The following USH2A variants were observed in gnomAD, a reference collection of about 807,000 sequenced individuals.
USH2A encodes the protein usherin.
A neutral mutation model predicts 538.9 loss-of-function variants in USH2A; 443 were observed. The ratio of observed to expected loss-of-function variants is 0.82; its 90% CI spans 0.76 to 0.89. USH2A has a LOEUF of 0.89. USH2A is among the 40% of genes least tolerant of loss of function. The pLI, the probability that USH2A is intolerant of heterozygous loss-of-function variation, is 0.00. For missense variants in USH2A, 6,633 were observed against 6,324.8 expected, an observed-to-expected ratio of 1.05 and a Z score of -1.65; for synonymous variants, 2,413 against 2,273.5, an observed-to-expected ratio of 1.06 and a Z score of -1.75.
chr1:216,161,349 C>A (rs1390874541), intron 21 of USH2A, among the ~76,000 whole-genome samples: 2 of 152,030 alleles, frequency 1.3e-5, no homozygotes, highest in African/African-American at 4.8e-5. Flanking sequence ...TTTTCTAAAT[C>A]ATTCTTTTGG....
intron 37 of USH2A, among the ~76,000 whole-genome samples, chr1:215,938,107 ATAAT>A (rs1165027869): frequency 1.3e-5 from 2 of 152,134 alleles, no homozygotes; most frequent in African/African-American, 4.8e-5. Flanking sequence ...TAAGAAGTAT[ATAAT>A]TACTCAATAA....
Position 216,116,039 on chromosome 1 carries a change from A to G in USH2A, c.4628-18826T>C, listed in dbSNP as rs181356826. 9.2e-5 allele frequency among the ~76,000 whole-genome samples: 14 copies of G among 151,766 alleles called. 1 individual carries two copies. In the South Asian group the frequency reaches 2.7e-3, roughly 29 times the overall value. ...CAAAATGTTAGTACTAATTGTAGTT[A>G]TAAAAATATTTTTAATACAAATGAA... On this transcript the variant is annotated intron_variant, in intron 21 of 71. Coordinates refer to ENST00000307340, the MANE Select transcript of USH2A (RefSeq NM_206933.4).
At position 216,292,509 on chromosome 1, in the gene USH2A, T is replaced by G. The variant is rs1351056992; in HGVS notation, c.1645-139A>C. ...CAGCAATGATTTTATTTGAAAAATA[T>G]TTCGTAAGTCAGAAATAGCATATTT... On this transcript the variant is annotated intron_variant, in intron 9 of 71. Transcript: ENST00000307340. 4 of 972,082 alleles carry G rather than the reference T, an allele frequency of 4.1e-6. No homozygotes were observed. In the East Asian group the frequency reaches 1.1e-4, roughly 26 times the overall value. 60.2% of individuals were successfully genotyped at this position (972,082 alleles called of 1,614,324 possible). A position where few individuals can be genotyped will look rare whatever the true frequency, so the allele number is the denominator to read the frequency against.
intron 32 of USH2A, among the ~76,000 whole-genome samples, chr1:216,036,141 A>G (rs1417063476): frequency 1.3e-5 from 2 of 152,138 alleles, no homozygotes; most frequent in Non-Finnish European, 2.9e-5. Context: ...AAGACGATCA[A>G]CCTGATTAAA....
intron 32 of USH2A, among the ~76,000 whole-genome samples, chr1:216,001,314 ATAAT>A (rs970235245): frequency 6.6e-6 from 1 of 152,140 alleles, no homozygotes; most frequent in Non-Finnish European, 1.5e-5. Flanking sequence ...GAATGAATGA[ATAAT>A]TAATGAATGA....
chr1:215,969,723 A>G (rs1309025708), intron 36 of USH2A, among the ~76,000 whole-genome samples: 1 of 152,080 alleles, frequency 6.6e-6, no homozygotes, highest in Non-Finnish European at 1.5e-5. Context: ...CTCTGAAACA[A>G]AAAGAGAGGT....
intron 3 of USH2A, among the ~76,000 whole-genome samples, chr1:216,374,108 T>TG (rs528904234): frequency 1.9e-5 from 1 of 53,282 alleles, no homozygotes; most frequent in Non-Finnish European, 3.4e-5. Context: ...TTTTGTGGGG[T>TG]GGGGGGAGGG....
At chr1:216,027,843 T>A (rs1176348381) in intron 32 of USH2A, among the ~76,000 whole-genome samples, 1 of 152,236 alleles carries the variant, frequency 6.6e-6, no homozygotes, top group Non-Finnish European at 1.5e-5. Context: ...TGTATTAATA[T>A]TTTGAAACCA....
chr1:216,000,286 A>T, intron 33 of USH2A, 117 bp downstream of exon 33: 1 of 1,381,200 alleles, frequency 7.2e-7, no homozygotes, highest in Middle Eastern at 2.3e-4. Context: ...TGAACTAATC[A>T]CTTCTATGCA....
At chr1:216,056,605 A>G (rs544784536) in intron 30 of USH2A, among the ~76,000 whole-genome samples, 5 of 152,340 alleles carry the variant, frequency 3.3e-5, no homozygotes, top group African/African-American at 1.2e-4. Flanking sequence ...ACTTTTTACT[A>G]TAAAATATCT....
At chr1:216,084,641 T>C (rs1279163673) in intron 25 of USH2A, 57 bp downstream of exon 25, 21 of 1,584,132 alleles carry the variant, frequency 1.3e-5, no homozygotes, top group Middle Eastern at 1.7e-4. Flanking sequence ...GATTAAATTA[T>C]ACAAAGGATA....
At chr1:216,333,111 C>T (rs1277628328) in intron 4 of USH2A, among the ~76,000 whole-genome samples, 1 of 151,766 alleles carries the variant, frequency 6.6e-6, no homozygotes, top group Non-Finnish European at 1.5e-5. Context: ...CAAAGTATGA[C>T]AATGATGCTT....
intron 64 of USH2A, among the ~76,000 whole-genome samples, chr1:215,662,608 C>G (rs563448887): frequency 1.3e-5 from 2 of 152,242 alleles, no homozygotes; most frequent in Non-Finnish European, 2.9e-5. Context: ...GGCCCTGGGC[C>G]TAGTGGCGAA....
chr1:216,115,521 G>T (rs1296228047), intron 21 of USH2A, among the ~76,000 whole-genome samples: 2 of 152,100 alleles, frequency 1.3e-5, no homozygotes, highest in Admixed American at 6.5e-5. Context: ...TTATAAAAAA[G>T]ACTTTTAAAA....
Position 215,625,848 on chromosome 1 carries a change from A to G in USH2A, c.15542T>C (p.Met5181Thr), listed in dbSNP as rs770479846. The change falls in exon 72 of 72, where the codon ATG (methionine) becomes ACG (threonine). Residue 5181 changes from methionine (M) to threonine (T), a missense_variant. Transcript: ENST00000307340. Reference protein sequence around the residue: ...SGLYVDEEDLMNAIKDFSSVT... With the variant: ...SGLYVDEEDLTNAIKDFSSVT... ...TGAGCTGAAATCCTTGATGGCGTTCATCAGGTCCTCTTCATCCACATACTG... is the reference window on the plus strand; with the variant it reads ...TGAGCTGAAATCCTTGATGGCGTTCGTCAGGTCCTCTTCATCCACATACTG... 11 of 1,614,104 alleles carry G rather than the reference A, an allele frequency of 6.8e-6. No homozygotes were observed. The highest frequency in any genetic ancestry group is 4.5e-5 in the East Asian group (2 of 44,880).
intron 47 of USH2A, among the ~76,000 whole-genome samples, chr1:215,830,645 A>G (rs1456641697): frequency 6.6e-6 from 1 of 152,222 alleles, no homozygotes; most frequent in Non-Finnish European, 1.5e-5. Flanking sequence ...AGCTAATTTT[A>G]TGAATGAACG....
At chr1:215,669,004 C>T (rs748635446) in intron 64 of USH2A, among the ~76,000 whole-genome samples, 7 of 152,164 alleles carry the variant, frequency 4.6e-5, no homozygotes, top group Non-Finnish European at 1.0e-4. Flanking sequence ...GATCTCACCA[C>T]TGCACTCCAG....
intron 37 of USH2A, among the ~76,000 whole-genome samples, chr1:215,937,891 G>T (rs1666547130): frequency 7.2e-6 from 1 of 139,462 alleles, no homozygotes; most frequent in African/African-American, 2.5e-5. Context: ...CATTTTGCTT[G>T]TTTGTTTGTT....
chr1:216,411,286 C>T (rs974882559), intron 3 of USH2A, among the ~76,000 whole-genome samples: 2 of 152,130 alleles, frequency 1.3e-5, no homozygotes, highest in Non-Finnish European at 2.9e-5. Context: ...TATCAATTCT[C>T]TTTGCCCAGT....
Sources: gnomAD v4.1 joint callset for allele counts (sites outside exome capture counted in the v4.1 genomes callset) on GRCh38, gnomAD v4.1.1 for gene constraint, MANE v1.5 for transcripts, NCBI Gene and HGNC (gene_info 2026-07-23, HGNC 2026-07-21) for gene names.